Variants in CDC14B observed in about 807,000 individuals in gnomAD.
CDC14B encodes the protein cell division cycle 14B.
In CDC14B, 22 loss-of-function variants were observed where a neutral mutation model predicts 64.2. The observed-to-expected ratio is 0.34, with a 90% confidence interval of 0.24 to 0.49. The LOEUF is 0.49. Among genes scored for constraint, CDC14B ranks in the 20% least tolerant of loss-of-function variants. The pLI is 0.99. For missense variants in CDC14B, 498 were observed against 629.9 expected, an observed-to-expected ratio of 0.79 and a Z score of 2.24; for synonymous variants, 191 against 215.8, an observed-to-expected ratio of 0.89 and a Z score of 1.01.
intron 5 of CDC14B, among the ~76,000 whole-genome samples, chr9:96,545,993 T>A (rs954311601): frequency 4.6e-5 from 7 of 152,176 alleles, no homozygotes; most frequent in Non-Finnish European, 8.8e-5. Flanking sequence ...TGGGGAGGGA[T>A]CCTTGTCACC....
intron 1 of CDC14B, among the ~76,000 whole-genome samples, chr9:96,569,968 T>C (rs1416111469): frequency 6.6e-6 from 1 of 152,210 alleles, no homozygotes; most frequent in Admixed American, 6.5e-5. Context: ...TATCCCCCCA[T>C]TGATGTTTCT....
chr9:96,577,031 T>C (rs976181668), intron 1 of CDC14B, among the ~76,000 whole-genome samples: 2 of 152,068 alleles, frequency 1.3e-5, no homozygotes, highest in African/African-American at 4.8e-5. Flanking sequence ...GGTGGGTGGA[T>C]CACTAGAGGT....
At chr9:96,497,269 G>A (rs1348762471), downstream of CDC14B, among the ~76,000 whole-genome samples, 9 of 152,238 alleles carry the variant, frequency 5.9e-5, no homozygotes, top group Admixed American at 5.9e-4. Flanking sequence ...TGCTGCCAAA[G>A]AGTCAGGCGG....
intron 1 of CDC14B, chr9:96,566,687 C>T: frequency 2.2e-6 from 3 of 1,372,098 alleles, no homozygotes; most frequent in South Asian, 1.2e-5. Context: ...AGACTAGGGG[C>T]ACCTCCAAGC....
chr9:96,561,623 C>T (rs538795555), intron 4 of CDC14B, among the ~76,000 whole-genome samples: 5 of 151,956 alleles, frequency 3.3e-5, no homozygotes, highest in Admixed American at 1.3e-4. Context: ...GGACTACAGG[C>T]GCCCGCCACC....
chr9:96,497,401 T>C (rs1833301245), downstream of CDC14B, among the ~76,000 whole-genome samples: 1 of 152,136 alleles, frequency 6.6e-6, no homozygotes. Context: ...GGGGATCCAT[T>C]TCTCCCCCAA....
At chr9:96,553,643 G>A (rs1193676831) in intron 4 of CDC14B, among the ~76,000 whole-genome samples, 1 of 151,988 alleles carries the variant, frequency 6.6e-6, no homozygotes, top group South Asian at 2.1e-4. Context: ...TTACAGACAT[G>A]AGCCACCATG....
intron 5 of CDC14B, among the ~76,000 whole-genome samples, chr9:96,548,447 A>G (rs555147545): frequency 2.2e-4 from 34 of 152,294 alleles, no homozygotes; most frequent in African/African-American, 7.2e-4. Flanking sequence ...ACACAGAGAA[A>G]TATTTAATAT....
intron 9 of CDC14B, among the ~76,000 whole-genome samples, chr9:96,532,185 T>C (rs1386793660): frequency 2.0e-5 from 3 of 152,264 alleles, no homozygotes; most frequent in African/African-American, 7.2e-5. Flanking sequence ...TATTTGCCTT[T>C]ATCAGAAAGG....
intron 1 of CDC14B, among the ~76,000 whole-genome samples, chr9:96,602,724 G>T (rs1385213721): frequency 6.6e-6 from 1 of 152,048 alleles, no homozygotes; most frequent in Non-Finnish European, 1.5e-5. Flanking sequence ...GATTTGGGTG[G>T]GGACACAGCC....
chr9:96,593,270 C>T (rs1360638227), intron 1 of CDC14B, among the ~76,000 whole-genome samples: 3 of 152,148 alleles, frequency 2.0e-5, no homozygotes, highest in African/African-American at 7.2e-5. Flanking sequence ...AGGCGGATCA[C>T]GAGGTCAAGA....
rs373160930 is a variant in CDC14B, at chr9:96,560,582, C to CTTTTTTTTT, written c.420+2110_420+2111insAAAAAAAAA. On this transcript the variant is annotated intron_variant, in intron 4 of 13. Transcript: ENST00000375241. ...GGTTCATACATAGACTTTTCTCTTTCTCTTTTTTTTTTTTTTTTTGAGACG... is the reference window on the plus strand; with the variant it reads ...GGTTCATACATAGACTTTTCTCTTTCTTTTTTTTTTCTTTTTTTTTTTTTTTTTGAGACG... 7.4e-4 allele frequency among the ~76,000 whole-genome samples: 95 copies of CTTTTTTTTT among 127,646 alleles called. 5 individuals carry two copies. The highest frequency in any genetic ancestry group is 2.9e-3 in the African/African-American group (92 of 31,760). The allele number at this position is 127,646 out of a possible 152,430, so 83.7% of individuals were successfully genotyped here. A position where few individuals can be genotyped will look rare whatever the true frequency, so the allele number is the denominator to read the frequency against.
In CDC14B at chr9:96,578,869, A is replaced by G. The variant is rs188897106; in HGVS notation, c.161-13386T>C. ...AGTCTCACTCTGTTGCCCAGGCTGG[A>G]GTGCAATGCCGCGATCTCGGCTCAC... On this transcript the variant is annotated intron_variant, in intron 1 of 13. Transcript: ENST00000375241. 2.5e-3 allele frequency among the ~76,000 whole-genome samples: 379 copies of G among 152,312 alleles called. 2 individuals are homozygous for G. Among genetic ancestry groups the G allele is most frequent in the African/African-American group, 8.6e-3 (359 of 41,564 alleles).
intron 1 of CDC14B, 162 bp from the exon 2 acceptor site, chr9:96,565,645 G>C: frequency 1.5e-6 from 1 of 659,452 alleles, no homozygotes; most frequent in East Asian, 2.7e-5. Context: ...CTGGCTATTT[G>C]GGTGGGAATA....
In CDC14B at chr9:96,540,262, T is replaced by A. The variant is rs190385196; in HGVS notation, c.565-1122A>T. Among the ~76,000 whole-genome samples, 893 of 152,330 alleles carry A rather than the reference T, an allele frequency of 5.9e-3. 5 individuals are homozygous for A. Among genetic ancestry groups the A allele is most frequent in the Non-Finnish European group, 9.0e-3 (611 of 68,018 alleles). ...AATTACATTGATGCATGTTTCTTCA[T>A]ATATGCAATATTCAAAATCAGTCAC... is the stretch of plus-strand genomic sequence containing the variant. On this transcript the variant is annotated intron_variant, in intron 6 of 13. Coordinates refer to ENST00000375241, the MANE Select transcript of CDC14B (RefSeq NM_033331.4).
chr9:96,514,768 C>G lies in CDC14B; in HGVS notation c.1344-4979G>C, dbSNP rs1028268081. 18 of 985,352 alleles carry G rather than the reference C, an allele frequency of 1.8e-5. No homozygotes were observed. The Admixed American group carries it at 8.0e-4, about 44-fold the overall frequency. The allele number at this position is 985,352 out of a possible 1,614,324, so 61.0% of individuals were successfully genotyped here. On this transcript the variant is annotated intron_variant, in intron 12 of 13. Transcript: ENST00000375241. ...GACACAGAAGGGTGGCGGTGGACCC[C>G]GTGACACGGACACACCCGCCTTCTG... is the stretch of plus-strand genomic sequence containing the variant.
At position 96,523,650 on chromosome 9, in the gene CDC14B, A is replaced by G. The variant is rs16911075; in HGVS notation, c.1022T>C (p.Ile341Thr). Residue 341 changes from isoleucine (I) to threonine (T), a missense_variant, in exon 10 of 14, where the codon ATT becomes ACT. Transcript: ENST00000375241. Reference sequence around the variant, plus strand: ...AGGTCTGCAGATCCTGACCCACGCAATGGTCTCGGCTGCTGTCATCCTGTA... The same window carrying G: ...AGGTCTGCAGATCCTGACCCACGCAGTGGTCTCGGCTGCTGTCATCCTGTA... ...KHYRMTAAET[I>T]AWVRICRPGS... 3.1e-6 allele frequency: 5 copies of G among 1,614,122 alleles called. No homozygotes were observed. The South Asian group carries it at 3.3e-5, about 11-fold the overall frequency.
intron 7 of CDC14B, among the ~76,000 whole-genome samples, chr9:96,535,678 G>C (rs931349949): frequency 7.9e-5 from 12 of 152,206 alleles, no homozygotes; most frequent in Admixed American, 6.5e-5. Flanking sequence ...AAAAATAACA[G>C]AGTTTCTTGA....
At chr9:96,535,144 T>C (rs1285380715) in intron 7 of CDC14B, among the ~76,000 whole-genome samples, 2 of 152,230 alleles carry the variant, frequency 1.3e-5, no homozygotes, top group East Asian at 3.9e-4. Flanking sequence ...CTGCCTCTAC[T>C]AAAAACTACA....
Sources: gnomAD v4.1 joint callset for allele counts (sites outside exome capture counted in the v4.1 genomes callset) on GRCh38, gnomAD v4.1.1 for gene constraint, MANE v1.5 for transcripts, NCBI Gene and HGNC (gene_info 2026-07-23, HGNC 2026-07-21) for gene names.